MDM1: variants seen among roughly 807,000 people sequenced by gnomAD.
MDM1 encodes Mdm1 nuclear protein.
Under a neutral mutation model 89.1 loss-of-function variants are expected in MDM1, and 61 were observed. The observed-to-expected ratio is 0.68, with a 90% CI of 0.56 to 0.85. The LOEUF (loss-of-function observed/expected upper bound fraction) is 0.85. Among genes scored for constraint, MDM1 ranks in the 40% least tolerant of loss-of-function variants. The pLI, the probability that MDM1 is intolerant of heterozygous loss-of-function variation, is 0.00. For synonymous variants in MDM1, 290 were observed against 294.1 expected, an observed-to-expected ratio of 0.99 and a Z score of 0.14; for missense variants, 820 against 846.5, an observed-to-expected ratio of 0.97 and a Z score of 0.39.
At chr12:68,316,780 T>C (rs991528134) in intron 7 of MDM1, among the ~76,000 whole-genome samples, 170 bp from the exon 8 acceptor site, 7 of 152,214 alleles carry the variant, frequency 4.6e-5, no homozygotes, top group African/African-American at 1.4e-4. Flanking sequence ...ACCTTATTAT[T>C]ATCTTGAAAA....
intron 7 of MDM1, among the ~76,000 whole-genome samples, chr12:68,319,137 A>G (rs1874886473): frequency 6.6e-6 from 1 of 152,232 alleles, no homozygotes; most frequent in Non-Finnish European, 1.5e-5. Context: ...AGTTATTCTG[A>G]GGATAGAACC....
Position 68,295,159 on chromosome 12 carries a change from C to T in MDM1, c.*95G>A, listed in dbSNP as rs7958232. ...AAATTAAATATTTCAAAGTAGAAAA[C>T]GTTAGGAAAAACTTCACTCAAAAAA... is the stretch of plus-strand genomic sequence containing the variant. On this transcript the variant is annotated 3_prime_UTR_variant, in exon 15 of 15. Coordinates refer to ENST00000682720, the MANE Select transcript of MDM1 (RefSeq NM_001354969.2). The T allele has an allele frequency of 0.71, 502,552 of 705,216 alleles. 181,044 individuals carry two copies. Among genetic ancestry groups the T allele is most frequent in the African/African-American group, 0.84 (46,858 of 55,614 alleles). The allele number at this position is 705,216 out of a possible 1,614,324, so 43.7% of individuals were successfully genotyped here.
intron 10 of MDM1, among the ~76,000 whole-genome samples, chr12:68,314,136 CAAAAAAAA>C: frequency 1.1e-5 from 1 of 87,568 alleles, no homozygotes; most frequent in East Asian, 3.6e-4. Context: ...AACTCCGTCT[CAAAAAAAA>C]AAAAAAAAAA....
At chr12:68,296,412 C>A (rs759313286) in intron 14 of MDM1, among the ~76,000 whole-genome samples, 1 of 152,162 alleles carries the variant, frequency 6.6e-6, no homozygotes, top group Non-Finnish European at 1.5e-5. Flanking sequence ...GCAGGAGAAT[C>A]GCTTGAACCC....
chr12:68,302,622 T>A lies in MDM1; in HGVS notation c.2000A>T (p.Asn667Ile). ...AAAATTAAAACCAAAATAATTACCA[T>A]TGTGCTGAAACTCTGGATCTCTAAG... The part of the protein sequence containing the change: ...GSLRDPEFQH[N>I]VGKARMNNLQ... Residue 667 changes from asparagine to isoleucine, a missense_variant and splice_region_variant, in exon 13 of 15, where the codon AAT becomes ATT. Transcript: ENST00000682720. 6.2e-7 allele frequency: 1 copy of A among 1,609,574 alleles called. No individual in the cohort carries two copies. The highest frequency in any genetic ancestry group is 2.2e-5 in the East Asian group (1 of 44,826).
In MDM1 at chr12:68,326,992, T is replaced by C. The variant is rs376844094; in HGVS notation, c.163A>G (p.Lys55Glu). 11 of 1,601,594 alleles carry C rather than the reference T, an allele frequency of 6.9e-6. No homozygotes were observed. Among genetic ancestry groups the C allele is most frequent in the Non-Finnish European group, 6.0e-6 (7 of 1,176,066 alleles). ...GGGTCATGGTAAGGGACTCTTCTTT[T>C]TGAAATAAAACTTGGCTCTTTCGTG... ...GITKEPSFIS[K>E]RRVPYHDPQI... Residue 55 changes from lysine (K) to glutamate (E), a missense_variant, in exon 3 of 15, where the codon AAA becomes GAA. By Grantham distance (56) the Lys-to-Glu change is moderately conservative. Transcript: ENST00000682720.
In MDM1 at chr12:68,313,771, C is replaced by A. The variant is rs999042824; in HGVS notation, c.1530-18G>T. On this transcript the variant is annotated intron_variant, in intron 10 of 14. Coordinates refer to ENST00000682720, the MANE Select transcript of MDM1 (RefSeq NM_001354969.2). Reference sequence around the variant, plus strand: ...AATCTGACCTATAAATTGAAACAATCTATGAATCTATACAGCATTTCCTCG... The same window carrying A: ...AATCTGACCTATAAATTGAAACAATATATGAATCTATACAGCATTTCCTCG... The A allele has an allele frequency of 1.1e-5, 16 of 1,514,940 alleles. No homozygotes were observed. The highest frequency in any genetic ancestry group is 1.4e-5 in the Non-Finnish European group (15 of 1,091,000). 93.8% of individuals were successfully genotyped at this position (1,514,940 alleles called of 1,614,324 possible). A position where few individuals can be genotyped will look rare whatever the true frequency, so the allele number is the denominator to read the frequency against.
In MDM1 at chr12:68,302,706, A is replaced by G. The variant is rs1295826394; in HGVS notation, c.1916T>C (p.Leu639Ser). The change falls in exon 13 of 15, where the codon TTG becomes TCG. Residue 639 changes from leucine (L) to serine (S), a missense_variant. Physicochemically the swap from Leu to Ser is moderately radical, Grantham distance 145 (BLOSUM62 -2). Coordinates refer to ENST00000682720, the MANE Select transcript of MDM1 (RefSeq NM_001354969.2). ...PKYPTNPPGQ[L>S]PSPPHVPSYW... ...GGATGGAACATGTGGTGGAGAAGGC[A>G]ACTGTCCAGGGGGATTTGTTGGGTA... The G allele has an allele frequency of 6.2e-7, 1 of 1,613,944 alleles. No homozygotes were observed.
chr12:68,316,406 T>C, intron 8 of MDM1, 153 bp from the exon 9 acceptor site: 2 of 984,828 alleles, frequency 2.0e-6, no homozygotes, highest in Non-Finnish European at 1.5e-6. Context: ...ACTGTGCATT[T>C]AAGCAAAAAC....
rs534469546 is a variant in MDM1 at position 68,296,785 on chromosome 12, C to T, written c.2062+138G>A. 20 of 505,656 alleles carry T rather than the reference C, an allele frequency of 4.0e-5. No individual in the cohort carries two copies. In the East Asian group the frequency reaches 6.2e-4, roughly 16 times the overall value. 31.3% of individuals were successfully genotyped at this position (505,656 alleles called of 1,614,324 possible). On this transcript the variant is annotated intron_variant, in intron 14 of 14. Coordinates refer to ENST00000682720, the MANE Select transcript of MDM1 (RefSeq NM_001354969.2). The stretch of plus-strand genomic sequence containing the variant: ...TTTGTAAATGGGGGTAATTTCACTC[C>T]CCCTCACAGGGTTTCAAGGATCTAA...
At chr12:68,310,684 C>T (rs896259171) in intron 12 of MDM1, among the ~76,000 whole-genome samples, 5 of 152,190 alleles carry the variant, frequency 3.3e-5, no homozygotes, top group Non-Finnish European at 2.9e-5. Flanking sequence ...CAATCTGTTA[C>T]GTGCTATGAG....
At position 68,302,906 on chromosome 12, in the gene MDM1, C is replaced by T. The variant is rs373758206; in HGVS notation, c.1750-34G>A. The T allele has an allele frequency of 4.6e-5, 60 of 1,309,490 alleles. No homozygotes were observed. In the African/African-American group the frequency reaches 8.3e-4, roughly 18 times the overall value. 81.1% of individuals were successfully genotyped at this position (1,309,490 alleles called of 1,614,324 possible). A position where few individuals can be genotyped will look rare whatever the true frequency, so the allele number is the denominator to read the frequency against. On this transcript the variant is annotated intron_variant, in intron 12 of 14. Transcript: ENST00000682720. ...CAAAAAAAAAAAAAAAAAAAAGATGCCTATGTGTAGATATGTAAATAAATA... is the reference window on the plus strand; with the variant it reads ...CAAAAAAAAAAAAAAAAAAAAGATGTCTATGTGTAGATATGTAAATAAATA...
intron 7 of MDM1, among the ~76,000 whole-genome samples, chr12:68,319,603 A>C (rs1874955776): frequency 6.6e-6 from 1 of 152,302 alleles, no homozygotes; most frequent in African/African-American, 2.4e-5. Context: ...GCTCATATTA[A>C]ATGTCTATAA....
Position 68,315,076 on chromosome 12 carries a change from G to A in MDM1, c.1401C>T (p.Pro467=), listed in dbSNP as rs2306394. The A allele has an allele frequency of 1.3e-3, 2,124 of 1,613,782 alleles. 21 individuals are homozygous for A. In the East Asian group the frequency reaches 0.018, roughly 14 times the overall value. Residue 467 remains proline (P), a synonymous_variant, in exon 10 of 15, where the codon CCC becomes CCT. Coordinates refer to ENST00000682720, the MANE Select transcript of MDM1 (RefSeq NM_001354969.2). Reference sequence around the variant, plus strand: ...TGTCGTCCTCCTCCTCTTTCTCCCCGGGCTGTTTCTGTACGTCTTCACTTG... The same window carrying A: ...TGTCGTCCTCCTCCTCTTTCTCCCCAGGCTGTTTCTGTACGTCTTCACTTG... ...ENTSEDVQKQ[P]GEKEEEDDNE...
At chr12:68,318,961 C>A (rs1180212420) in intron 7 of MDM1, among the ~76,000 whole-genome samples, 4 of 152,170 alleles carry the variant, frequency 2.6e-5, no homozygotes, top group Non-Finnish European at 5.9e-5. Context: ...TATACCTAGT[C>A]TTTACAATGT....
chr12:68,296,371 G>A (rs1407068419), intron 14 of MDM1, among the ~76,000 whole-genome samples: 3 of 152,172 alleles, frequency 2.0e-5, no homozygotes, highest in African/African-American at 7.2e-5. Flanking sequence ...GGTAGCGGAT[G>A]CCTGTAATCC....
At position 68,315,018 on chromosome 12, in the gene MDM1, G is replaced by A. The variant is rs1874266458; in HGVS notation, c.1459C>T (p.Gln487Ter). Residue 487 changes from glutamine (Q) to a stop codon, truncating the protein, a stop_gained, in exon 10 of 15, where the codon CAG (glutamine) becomes TAG (stop). Coordinates refer to ENST00000682720, the MANE Select transcript of MDM1 (RefSeq NM_001354969.2). LOFTEE classifies it high-confidence loss of function. ...EEEGDRKTGK[Q>*]AFMGEQEKLD... ...TTCTCTTGCTCTCCCATAAAAGCCT[G>A]CTTGCCCGTTTTCCTGTCCCCTTCC... 1 of 1,614,030 alleles carries A rather than the reference G, an allele frequency of 6.2e-7. No homozygotes were observed. Among genetic ancestry groups the A allele is most frequent in the Non-Finnish European group, 8.5e-7 (1 of 1,180,022 alleles).
intron 12 of MDM1, among the ~76,000 whole-genome samples, chr12:68,312,295 TAG>T (rs1873803153): frequency 6.6e-6 from 1 of 152,190 alleles, no homozygotes; most frequent in African/African-American, 2.4e-5. Context: ...TTCTCAAATT[TAG>T]AGTGTCCAGA....
intron 4 of MDM1, among the ~76,000 whole-genome samples, chr12:68,324,425 T>C (rs1016882978): frequency 1.3e-5 from 2 of 152,168 alleles, no homozygotes; most frequent in East Asian, 1.9e-4. Context: ...TTTATCACTT[T>C]GTTACTTCAC....
Sources: allele counts gnomAD v4.1 joint callset (sites outside exome capture counted in the v4.1 genomes callset), GRCh38; gene constraint gnomAD v4.1.1; transcripts MANE v1.5; gene names NCBI Gene and HGNC (gene_info 2026-07-23, HGNC 2026-07-21).